Variants in NPM1 observed in about 807,000 individuals in gnomAD.
NPM1 encodes the protein nucleophosmin.
Under a neutral mutation model 44.1 loss-of-function variants are expected in NPM1, and 1 was observed. The ratio of observed to expected loss-of-function variants is 0.02; its 90% CI spans 0.01 to 0.11. The LOEUF is 0.11. Ranked by LOEUF, NPM1 falls within the 10% of genes least tolerant of loss-of-function variation. The pLI is 1.00. For synonymous variants in NPM1, 126 were observed against 111.8 expected (o/e 1.13, Z -0.80); for missense variants, 197 against 347.8 (o/e 0.57, Z 3.45).
chr5:171,389,890 C>A (rs527300650), intron 1 of NPM1, among the ~76,000 whole-genome samples, 161 bp from the exon 2 acceptor site: 1 of 152,188 alleles, frequency 6.6e-6, no homozygotes, highest in African/African-American at 2.4e-5. Context: ...GTAGAGGTTT[C>A]TGTTCAAGAA....
chr5:171,408,499 T>C (rs1242703623), intron 10 of NPM1, among the ~76,000 whole-genome samples: 2 of 152,224 alleles, frequency 1.3e-5, no homozygotes, highest in African/African-American at 2.4e-5. Flanking sequence ...TGGTTTTTTT[T>C]CTGCCATAGT....
Position 171,410,668 on chromosome 5 carries a change from C to T in NPM1, c.*103C>T, listed in dbSNP as rs993476060. 6.6e-5 allele frequency: 43 copies of T among 650,658 alleles called. No individual in the cohort carries two copies. Among genetic ancestry groups the T allele is most frequent in the Non-Finnish European group, 1.1e-4 (42 of 377,830 alleles). The allele number at this position is 650,658 out of a possible 1,614,324, so 40.3% of individuals were successfully genotyped here. ...TTTATAATGCAGAGTGAGAACTTTC[C>T]CTACCGTGTTTGATAAATGTTGTCC... is the stretch of plus-strand genomic sequence containing the variant. On this transcript the variant is annotated 3_prime_UTR_variant, in exon 11 of 11. Transcript: ENST00000296930.
chr5:171,401,385 T>TAC lies in NPM1; in HGVS notation c.669+474_669+475dup, dbSNP rs139498010. ...AAATCAGCTTGTTGTGTGTTGTAGG[T>TAC]ACACACACACACACAAACATACTAA... is the stretch of plus-strand genomic sequence containing the variant. On this transcript the variant is annotated intron_variant, in intron 8 of 10. Transcript: ENST00000296930. 1.2e-3 allele frequency among the ~76,000 whole-genome samples: 187 copies of TAC among 150,054 alleles called. 1 individual carries two copies. The highest frequency in any genetic ancestry group is 1.5e-3 in the African/African-American group (63 of 41,036).
At chr5:171,403,660 G>C (rs1463150110) in intron 8 of NPM1, among the ~76,000 whole-genome samples, 1 of 133,536 alleles carries the variant, frequency 7.5e-6, no homozygotes, top group East Asian at 2.2e-4. Context: ...CCTCCCTCCC[G>C]GACGGGGCGG....
At chr5:171,388,078 G>GGGTGGGGGGGGGC in intron 1 of NPM1, 72 bp downstream of exon 1, 1 of 616,748 alleles carries the variant, frequency 1.6e-6, no homozygotes. Flanking sequence ...TGAGGGGCGG[G>GGGTGGGGGGGGGC]AATCCGGCTG....
intron 8 of NPM1, among the ~76,000 whole-genome samples, chr5:171,402,952 C>CTTTTT (rs560900151): frequency 1.7e-4 from 16 of 91,778 alleles, no homozygotes; most frequent in East Asian, 3.8e-4. Context: ...TCAGGTAGTT[C>CTTTTT]TTTTTTTTTT....
Position 171,388,069 on chromosome 5 carries a change from G to A in NPM1, c.58+63G>A, listed in dbSNP as rs1284095722. 4 of 1,161,908 alleles carry A rather than the reference G, an allele frequency of 3.4e-6. No homozygotes were observed. The African/African-American group carries it at 4.6e-5, about 13-fold the overall frequency. The allele number at this position is 1,161,908 out of a possible 1,614,324, so 72.0% of individuals were successfully genotyped here. A position where few individuals can be genotyped will look rare whatever the true frequency, so the allele number is the denominator to read the frequency against. On this transcript the variant is annotated intron_variant, in intron 1 of 10. Transcript: ENST00000296930. ...GCCTGGTGGCGGTGAGGGTGGGGGT[G>A]AGGGGCGGGAATCCGGCTGCAACCG...
At chr5:171,389,289 T>C (rs1770446257) in intron 1 of NPM1, among the ~76,000 whole-genome samples, 1 of 152,240 alleles carries the variant, frequency 6.6e-6, no homozygotes, top group African/African-American at 2.4e-5. Flanking sequence ...CATTTAAGCA[T>C]GTATATGTAT....
Position 171,405,304 on chromosome 5 carries a change from A to T in NPM1, c.672A>T (p.Gly224=), listed in dbSNP as rs1157017798. 6.6e-7 allele frequency: 1 copy of T among 1,518,312 alleles called. No homozygotes were observed. The highest frequency in any genetic ancestry group is 9.1e-7 in the Non-Finnish European group (1 of 1,102,246). The allele number at this position is 1,518,312 out of a possible 1,614,324, so 94.1% of individuals were successfully genotyped here. A position where few individuals can be genotyped will look rare whatever the true frequency, so the allele number is the denominator to read the frequency against. The part of the protein sequence containing the change: ...SKPSSTPRSK[G]QESFKKQEKT... The stretch of plus-strand genomic sequence containing the variant: ...TTGGAAATTCATTTCTTTTTCAGGG[A>T]CAAGAATCCTTCAAGAAACAGGAAA... Residue 224 remains glycine (G), a splice_region_variant and synonymous_variant, in exon 9 of 11, where the codon GGA becomes GGT. Transcript: ENST00000296930.
At chr5:171,398,966 T>G (rs1258191446) in intron 6 of NPM1, among the ~76,000 whole-genome samples, 1 of 151,660 alleles carries the variant, frequency 6.6e-6, no homozygotes, top group Admixed American at 6.6e-5. Context: ...TCCTCCTGCT[T>G]CAGCTTCCTG....
At chr5:171,388,187 G>T (rs1379591429) in intron 1 of NPM1, among the ~76,000 whole-genome samples, 181 bp downstream of exon 1, 1 of 151,900 alleles carries the variant, frequency 6.6e-6, no homozygotes, top group Non-Finnish European at 1.5e-5. Context: ...GCCGCGGGGG[G>T]AGCCGGTGGC....
In NPM1 at chr5:171,402,995, T is replaced by G. The variant is rs566334684; in HGVS notation, c.669+2070T>G. ...TTTATTTATTTATTTATTTATTTTT[T>G]ATTTTTATTTTTTTTTTAATTTATT... On this transcript the variant is annotated intron_variant, in intron 8 of 10. Transcript: ENST00000296930. 1.6e-4 allele frequency among the ~76,000 whole-genome samples: 23 copies of G among 142,926 alleles called. 1 individual carries two copies. The highest frequency in any genetic ancestry group is 1.0e-3 in the Admixed American group (15 of 14,326). The allele number at this position is 142,926 out of a possible 152,430, so 93.8% of individuals were successfully genotyped here.
intron 8 of NPM1, among the ~76,000 whole-genome samples, chr5:171,402,385 A>C (rs1219434899): frequency 1.3e-5 from 2 of 151,560 alleles, no homozygotes; most frequent in Non-Finnish European, 2.9e-5. Flanking sequence ...GAAAAAAGGG[A>C]ATGCTTACAC....
At chr5:171,406,276 A>T (rs1771560598) in intron 9 of NPM1, 1 of 873,290 alleles carries the variant, frequency 1.1e-6, no homozygotes. Flanking sequence ...CACACTGTAA[A>T]CCCTTTAGCC....
chr5:171,396,977 TA>T (rs1770930628), intron 6 of NPM1, among the ~76,000 whole-genome samples: 1 of 151,924 alleles, frequency 6.6e-6, no homozygotes, highest in African/African-American at 2.4e-5. Context: ...CAAAAAAAAA[TA>T]GTGTGCAGTT....
At chr5:171,407,843 C>A in intron 10 of NPM1, 69 bp downstream of exon 10, 1 of 964,260 alleles carries the variant, frequency 1.0e-6, no homozygotes, top group Non-Finnish European at 1.6e-6. Context: ...TCTGCCTTTA[C>A]CCTTTTTAAG....
intron 6 of NPM1, among the ~76,000 whole-genome samples, chr5:171,394,398 T>G (rs906710617): frequency 6.6e-6 from 1 of 152,048 alleles, no homozygotes; most frequent in African/African-American, 2.4e-5. Flanking sequence ...ATTCTCAAAC[T>G]CCTAACCTCG....
chr5:171,393,218 A>T (rs748665393), intron 6 of NPM1, among the ~76,000 whole-genome samples: 5 of 152,222 alleles, frequency 3.3e-5, no homozygotes, highest in Non-Finnish European at 5.9e-5. Flanking sequence ...TCAGAAGGGT[A>T]GACTATAGTG....
chr5:171,387,503 G>T (rs1005793749), upstream of NPM1: 1 of 205,356 alleles, frequency 4.9e-6, no homozygotes, highest in Non-Finnish European at 1.0e-5. Flanking sequence ...CATTTTGCAG[G>T]GTGGGCTGCG....
Sources: allele counts gnomAD v4.1 joint callset (sites outside exome capture counted in the v4.1 genomes callset), GRCh38; gene constraint gnomAD v4.1.1; transcripts MANE v1.5; gene names NCBI Gene and HGNC (gene_info 2026-07-23, HGNC 2026-07-21).